Variants in USH2A observed in about 807,000 individuals in gnomAD.
USH2A encodes Usher syndrome 2A (autosomal recessive, mild).
Under a neutral mutation model 538.9 loss-of-function variants are expected in USH2A, and 443 were observed. That is an observed-to-expected ratio of 0.82 (90% CI 0.76 to 0.89). USH2A has a LOEUF of 0.89. Ranked by LOEUF, USH2A falls within the 40% of genes least tolerant of loss-of-function variation. The pLI is 0.00. For missense variants in USH2A, 6,633 were observed against 6,324.8 expected, an observed-to-expected ratio of 1.05 and a Z score of -1.65; for synonymous variants, 2,413 against 2,273.5, an observed-to-expected ratio of 1.06 and a Z score of -1.75.
chr1:216,186,588 A>T (rs2034608838), intron 20 of USH2A, among the ~76,000 whole-genome samples: 1 of 151,852 alleles, frequency 6.6e-6, no homozygotes, highest in Non-Finnish European at 1.5e-5. Context: ...CTCTGCTTTC[A>T]CTAATTGATT....
chr1:216,349,909 C>T (rs2038247310), intron 4 of USH2A, among the ~76,000 whole-genome samples: 1 of 152,078 alleles, frequency 6.6e-6, no homozygotes. Flanking sequence ...TCTTGCTTTG[C>T]TATAAAGAAA....
intron 21 of USH2A, among the ~76,000 whole-genome samples, chr1:216,144,375 C>T (rs1199361795): frequency 1.3e-5 from 2 of 151,604 alleles, no homozygotes; most frequent in Admixed American, 6.6e-5. Flanking sequence ...GGAAAATGTC[C>T]TTTTAGTATG....
At chr1:215,823,483 A>C (rs907273174) in intron 47 of USH2A, among the ~76,000 whole-genome samples, 1 of 151,738 alleles carries the variant, frequency 6.6e-6, no homozygotes, top group Non-Finnish European at 1.5e-5. Context: ...TTTGTCACTG[A>C]CCTTTAAGAA....
chr1:216,067,041 C>G (rs1006942666), intron 30 of USH2A, among the ~76,000 whole-genome samples: 1 of 152,066 alleles, frequency 6.6e-6, no homozygotes, highest in Non-Finnish European at 1.5e-5. Context: ...TTAATTACAA[C>G]GGTAATTGTT....
At chr1:215,648,822 T>C in intron 65 of USH2A, 56 bp from the exon 66 acceptor site, 1 of 1,521,922 alleles carries the variant, frequency 6.6e-7, no homozygotes, top group Non-Finnish European at 9.1e-7. Context: ...AGGTGTTTGA[T>C]GAATGTTATC....
chr1:216,414,879 G>A (rs2039550871), intron 3 of USH2A, among the ~76,000 whole-genome samples: 1 of 152,014 alleles, frequency 6.6e-6, no homozygotes, highest in African/African-American at 2.4e-5. Context: ...TGCCCAGCAT[G>A]ATAAAAGTCC....
intron 21 of USH2A, among the ~76,000 whole-genome samples, chr1:216,101,976 T>C (rs1267315655): frequency 1.3e-5 from 2 of 152,154 alleles, no homozygotes; most frequent in Non-Finnish European, 2.9e-5. Context: ...ATAAAAATCA[T>C]ACACGTTCGG....
intron 11 of USH2A, among the ~76,000 whole-genome samples, chr1:216,281,468 A>C (rs964431435): frequency 9.2e-5 from 14 of 152,208 alleles, no homozygotes; most frequent in African/African-American, 3.4e-4. Context: ...GAAACAAAAC[A>C]AAACAAGCTT....
At chr1:215,998,680 T>A (rs552471534) in intron 34 of USH2A, among the ~76,000 whole-genome samples, 2 of 151,050 alleles carry the variant, frequency 1.3e-5, no homozygotes, top group Admixed American at 6.6e-5. Context: ...TGTTATTCTA[T>A]CATTTGCATA....
At chr1:216,058,612 C>A (rs542808905) in intron 30 of USH2A, among the ~76,000 whole-genome samples, 4 of 127,222 alleles carry the variant, frequency 3.1e-5, no homozygotes, top group African/African-American at 1.3e-4. Flanking sequence ...CTTACCCTAC[C>A]AACATATTTT....
At chr1:216,147,310 T>C (rs1257662045) in intron 21 of USH2A, among the ~76,000 whole-genome samples, 1 of 152,102 alleles carries the variant, frequency 6.6e-6, no homozygotes, top group Non-Finnish European at 1.5e-5. Context: ...CCTCCCCTCC[T>C]CACACCTGGT....
In USH2A at chr1:215,993,509, AACAC is replaced by A. The variant is rs66804361; in HGVS notation, c.6658-346_6658-343del. ...GCACAAAGGTTCCCAGAGTGAATTAAACACACACACACACACACACACACACACA... is the reference window on the plus strand; with the variant it reads ...GCACAAAGGTTCCCAGAGTGAATTAAACACACACACACACACACACACACA... On this transcript the variant is annotated intron_variant, in intron 34 of 71. Transcript: ENST00000307340. 5.6e-3 allele frequency among the ~76,000 whole-genome samples: 816 copies of A among 146,346 alleles called. 3 individuals are homozygous for A. The highest frequency in any genetic ancestry group is 7.3e-3 in the Admixed American group (107 of 14,576).
At chr1:216,223,941 T>C (rs914672429) in intron 14 of USH2A, among the ~76,000 whole-genome samples, 5 of 152,096 alleles carry the variant, frequency 3.3e-5, no homozygotes, top group African/African-American at 1.2e-4. Context: ...AAACCAAAAA[T>C]AATCTGGGCA....
Position 215,888,698 on chromosome 1 carries a change from T to C in USH2A, c.7951A>G (p.Asn2651Asp), listed in dbSNP as rs141134147. The C allele has an allele frequency of 1.9e-5, 31 of 1,613,974 alleles. No individual in the cohort carries two copies. The African/African-American group carries it at 2.5e-4, about 13-fold the overall frequency. ...IISWQPPTHPNGLVENFTIER... is the reference protein window; with the variant it reads ...IISWQPPTHPDGLVENFTIER... ...ATTGTGAAATTCTCCACCAAGCCAT[T>C]GGGGTGGGTAGGGGGTTGCCAAGAT... Residue 2651 changes from asparagine (N) to aspartate (D), a missense_variant, in exon 41 of 72, where the codon AAT (asparagine) becomes GAT (aspartate). Physicochemically the swap from Asn to Asp is conservative, Grantham distance 23. Coordinates refer to ENST00000307340, the MANE Select transcript of USH2A (RefSeq NM_206933.4).
chr1:216,073,230 G>A lies in USH2A; in HGVS notation c.5643C>T (p.Ser1881=), dbSNP rs145535748. Residue 1881 remains serine (S), a synonymous_variant, in exon 28 of 72, where the codon AGC becomes AGT. Coordinates refer to ENST00000307340, the MANE Select transcript of USH2A (RefSeq NM_206933.4). ...CATCCAGATTGACTCTGACAGCACC[G>A]CTGGACACAGATGCCAAGTTAACGA... ...GAVVNLASVS[S]GAVRVNLDGC... 2.5e-5 allele frequency: 41 copies of A among 1,613,642 alleles called. No homozygotes were observed. The highest frequency in any genetic ancestry group is 3.3e-5 in the Non-Finnish European group (39 of 1,179,924).
intron 11 of USH2A, among the ~76,000 whole-genome samples, chr1:216,283,278 G>T (rs556098586): frequency 6.6e-6 from 1 of 152,232 alleles, no homozygotes; most frequent in East Asian, 1.9e-4. Context: ...TTGTAATAGA[G>T]ATGGGGTTTC....
intron 21 of USH2A, among the ~76,000 whole-genome samples, chr1:216,107,459 C>A (rs2032760882): frequency 6.6e-6 from 1 of 151,702 alleles, no homozygotes; most frequent in East Asian, 1.9e-4. Flanking sequence ...ATAAATGTTT[C>A]ATGGTTTATT....
At chr1:216,055,358 A>G (rs1571921569) in intron 30 of USH2A, among the ~76,000 whole-genome samples, 1 of 152,214 alleles carries the variant, frequency 6.6e-6, no homozygotes, top group Non-Finnish European at 1.5e-5. Flanking sequence ...ACCTGGAGAC[A>G]TAATGGAAGA....
intron 61 of USH2A, among the ~76,000 whole-genome samples, chr1:215,712,809 TTCTTTCTTTTA>T (rs1468801313): frequency 1.3e-5 from 2 of 149,426 alleles, no homozygotes; most frequent in African/African-American, 5.0e-5. Context: ...TTTTCTTTTG[TTCTTTCTTTTA>T]TTTTTTTTTG....
Sources: allele counts gnomAD v4.1 joint callset (sites outside exome capture counted in the v4.1 genomes callset), GRCh38; gene constraint gnomAD v4.1.1; transcripts MANE v1.5; gene names NCBI Gene and HGNC (gene_info 2026-07-23, HGNC 2026-07-21).